DDX60L: variants seen among roughly 807,000 people sequenced by gnomAD.
The protein encoded by DDX60L is DExD/H-box 60 like.
DDX60L carries 191 observed loss-of-function variants against 211.6 expected under a neutral mutation model. The observed-to-expected ratio is 0.90, with a 90% CI of 0.80 to 1.02. DDX60L has a LOEUF of 1.02. DDX60L is among the 50% of genes least tolerant of loss of function. The pLI is 0.00. For missense variants in DDX60L, 2,007 were observed against 1,984.1 expected (o/e 1.01, Z -0.22); for synonymous variants, 706 against 694.1 (o/e 1.02, Z -0.27).
chr4:168,445,638 C>T (rs993168212), intron 9 of DDX60L, among the ~76,000 whole-genome samples: 6 of 151,972 alleles, frequency 3.9e-5, no homozygotes, highest in Admixed American at 3.3e-4. Context: ...CAATAAAATA[C>T]TGGCAAAACA....
intron 15 of DDX60L, 68 bp downstream of exon 15, chr4:168,423,540 C>T (rs1177365051): frequency 2.5e-5 from 28 of 1,117,858 alleles, no homozygotes; most frequent in African/African-American, 3.3e-5. Flanking sequence ...TTCATTAGAC[C>T]TATTAGTTAT....
At chr4:168,387,474 C>T (rs1579306545) in intron 29 of DDX60L, among the ~76,000 whole-genome samples, 1 of 152,230 alleles carries the variant, frequency 6.6e-6, no homozygotes, top group Non-Finnish European at 1.5e-5. Context: ...TTAGGCCAGA[C>T]CCTCCCTTTG....
At chr4:168,375,347 T>C in intron 34 of DDX60L, 30 bp downstream of exon 34, 2 of 1,600,320 alleles carry the variant, frequency 1.2e-6, no homozygotes, top group Non-Finnish European at 1.7e-6. Flanking sequence ...CTCTTTAAAT[T>C]GTTCCGGAAT....
Position 168,421,687 on chromosome 4 carries a change from T to C in DDX60L, c.2394+73A>G, listed in dbSNP as rs115699800. 1.1e-3 allele frequency: 1,775 copies of C among 1,556,744 alleles called. 15 individuals carry two copies. The African/African-American group carries it at 0.021, about 18-fold the overall frequency. On this transcript the variant is annotated intron_variant, in intron 17 of 37. Coordinates refer to ENST00000682922, the MANE Select transcript of DDX60L (RefSeq NM_001012967.3). ...AAATAACAGTGAATTAGATCTAGCA[T>C]GTGACCGTGTGCATTCTTTTTAAAG...
chr4:168,408,159 A>T (rs74626524), intron 22 of DDX60L, among the ~76,000 whole-genome samples: 4,847 of 152,300 alleles, frequency 0.032, 258 homozygotes, highest in African/African-American at 0.11. Context: ...TATCAAGTAC[A>T]TACTAATGCT....
intron 28 of DDX60L, among the ~76,000 whole-genome samples, chr4:168,391,967 C>T (rs150001271): frequency 1.3e-5 from 2 of 152,034 alleles, no homozygotes; most frequent in African/African-American, 2.4e-5. Context: ...GTTTACTTGT[C>T]CCCCCAAGAC....
intron 8 of DDX60L, among the ~76,000 whole-genome samples, chr4:168,451,434 G>A (rs1755784699): frequency 6.6e-6 from 1 of 152,162 alleles, no homozygotes; most frequent in Non-Finnish European, 1.5e-5. Flanking sequence ...CCAGAAACCT[G>A]AAAGTCATCA....
intron 9 of DDX60L, among the ~76,000 whole-genome samples, chr4:168,447,211 A>T (rs2150030735): frequency 6.6e-6 from 1 of 151,884 alleles, no homozygotes; most frequent in Admixed American, 6.6e-5. Context: ...CCCATCAAAA[A>T]GTGGGCAAAG....
chr4:168,420,694 CAGACAGACAGAT>C (rs1309098749), intron 17 of DDX60L, among the ~76,000 whole-genome samples: 111 of 131,782 alleles, frequency 8.4e-4, no homozygotes, highest in African/African-American at 2.8e-3. Flanking sequence ...GACAGACAGA[CAGACAGACAGAT>C]ATTACATATC....
intron 13 of DDX60L, among the ~76,000 whole-genome samples, chr4:168,428,541 A>G (rs933354638): frequency 6.6e-6 from 1 of 152,150 alleles, no homozygotes; most frequent in Non-Finnish European, 1.5e-5. Context: ...TCATTCTCCA[A>G]AAATATTCCC....
rs1310526546 is a variant in DDX60L, at chr4:168,465,021, G to T, written c.265-2981C>A. Among the ~76,000 whole-genome samples the T allele has an allele frequency of 4.6e-5, 7 of 152,106 alleles. No individual in the cohort carries two copies. The South Asian group carries it at 1.5e-3, about 32-fold the overall frequency. The stretch of plus-strand genomic sequence containing the variant: ...TCCTTTGAATATATATCTAGTAGTG[G>T]AGTTGCTGGTTCATATAGTAATTCC... On this transcript the variant is annotated intron_variant, in intron 4 of 37. Transcript: ENST00000682922.
intron 25 of DDX60L, among the ~76,000 whole-genome samples, chr4:168,403,556 A>G (rs187624384): frequency 2.5e-4 from 38 of 152,306 alleles, no homozygotes; most frequent in African/African-American, 8.4e-4. Context: ...ATACCACACC[A>G]TATCAAGGAA....
chr4:168,426,992 C>T lies in DDX60L; in HGVS notation c.1930+78G>A. 7.8e-6 allele frequency: 11 copies of T among 1,407,086 alleles called. No homozygotes were observed. The South Asian group carries it at 1.6e-4, about 21-fold the overall frequency. 87.2% of individuals were successfully genotyped at this position (1,407,086 alleles called of 1,614,324 possible). A position where few individuals can be genotyped will look rare whatever the true frequency, so the allele number is the denominator to read the frequency against. On this transcript the variant is annotated intron_variant, in intron 14 of 37. Coordinates refer to ENST00000682922, the MANE Select transcript of DDX60L (RefSeq NM_001012967.3). Reference sequence around the variant, plus strand: ...TGGATTATACAAAGTTTTAGCACAACCATGCATTCAGTAAATATGTTAACA... The same window carrying T: ...TGGATTATACAAAGTTTTAGCACAATCATGCATTCAGTAAATATGTTAACA...
At chr4:168,406,579 T>C (rs1473790218) in intron 23 of DDX60L, 23 bp downstream of exon 23, 2 of 1,520,706 alleles carry the variant, frequency 1.3e-6, no homozygotes, top group South Asian at 2.4e-5. Context: ...TTCATTTTGG[T>C]GAATATATAT....
chr4:168,394,615 A>G lies in DDX60L; in HGVS notation c.3660T>C (p.Thr1220=), dbSNP rs779626198. 9 of 1,587,432 alleles carry G rather than the reference A, an allele frequency of 5.7e-6. No homozygotes were observed. The highest frequency in any genetic ancestry group is 3.5e-5 in the South Asian group (3 of 85,670). The change falls in exon 28 of 38, where the codon ACT becomes ACC. Residue 1220 remains threonine (T), a splice_region_variant and synonymous_variant. Transcript: ENST00000682922. ...HTEITRNKDS[T]LERVLPRVRF... is the part of the protein sequence containing the mutation. ...GCACTCGCGGTAATACCCTCTCCAA[A>G]GTCTAAAACAAGAAAGAAGTGTAAA... is the stretch of plus-strand genomic sequence containing the variant.
intron 36 of DDX60L, among the ~76,000 whole-genome samples, chr4:168,363,502 A>T (rs1337338211): frequency 6.6e-6 from 1 of 152,220 alleles, no homozygotes; most frequent in Admixed American, 6.5e-5. Context: ...CAACACCTAC[A>T]ATTAATGACT....
rs371272802 is a variant in DDX60L at position 168,430,491 on chromosome 4, C to T, written c.1664G>A (p.Gly555Asp). The T allele has an allele frequency of 1.9e-6, 3 of 1,597,262 alleles. No individual in the cohort carries two copies. Among genetic ancestry groups the T allele is most frequent in the Middle Eastern group, 1.7e-4 (1 of 5,974 alleles). ...RPKEDSSGAS[G>D]EILQNTKPHQ... is the part of the protein sequence containing the mutation. ...TTTGCGATCTACCTGTAATATTTCA[C>T]CACTGGCACCACTGGAATCCTCCTT... Residue 555 changes from glycine (G) to aspartate (D), a missense_variant, in exon 13 of 38, where the codon GGT (glycine) becomes GAT (aspartate). Transcript: ENST00000682922.
chr4:168,441,415 C>G lies in DDX60L; in HGVS notation c.1216G>C (p.Glu406Gln). The G allele has an allele frequency of 6.2e-7, 1 of 1,612,716 alleles. No individual in the cohort carries two copies. Among genetic ancestry groups the G allele is most frequent in the South Asian group, 1.1e-5 (1 of 90,918 alleles). ...LWNVVSHLVKEFNVGKSFPLR... is the reference protein window; with the variant it reads ...LWNVVSHLVKQFNVGKSFPLR... ...GGAAAAGACTTTCCAACGTTAAATTCTTTAACCAGGTGTGACACAACATTC... is the reference window on the plus strand; with the variant it reads ...GGAAAAGACTTTCCAACGTTAAATTGTTTAACCAGGTGTGACACAACATTC... The change falls in exon 10 of 38, where the codon GAA becomes CAA. Residue 406 changes from glutamate to glutamine, a missense_variant. Physicochemically the swap from Glu to Gln is conservative, Grantham distance 29. Transcript: ENST00000682922.
At position 168,448,799 on chromosome 4, in the gene DDX60L, C is replaced by T. The variant is rs1755214559; in HGVS notation, c.997-20G>A. 1 of 1,592,012 alleles carries T rather than the reference C, an allele frequency of 6.3e-7. No individual in the cohort carries two copies. Among genetic ancestry groups the T allele is most frequent in the Middle Eastern group, 1.7e-4 (1 of 5,958 alleles). ...CTTGTTCTGAAAATTAAAAATAAAA[C>T]ATTATTAGCAGGGAGGCATGGAATA... On this transcript the variant is annotated intron_variant, in intron 8 of 37. Transcript: ENST00000682922.
Sources: allele counts gnomAD v4.1 joint callset (sites outside exome capture counted in the v4.1 genomes callset), GRCh38; gene constraint gnomAD v4.1.1; transcripts MANE v1.5; gene names NCBI Gene and HGNC (gene_info 2026-07-23, HGNC 2026-07-21).